The following FMN1 variants were observed in gnomAD, a reference collection of about 807,000 sequenced individuals.
FMN1 encodes formin 1.
A neutral mutation model predicts 132.4 loss-of-function variants in FMN1; 110 were observed. That is an observed-to-expected ratio of 0.83 (90% CI 0.71 to 0.97). FMN1 has a LOEUF of 0.97. Ranked by LOEUF, FMN1 falls within the 50% of genes least tolerant of loss-of-function variation. The pLI is 0.00. For synonymous variants in FMN1, 722 were observed against 651.7 expected (o/e 1.11, Z -1.64); for missense variants, 1,792 against 1,705.3 (o/e 1.05, Z -0.90).
chr15:33,080,267 T>C (rs922222585), intron 5 of FMN1, among the ~76,000 whole-genome samples: 4 of 152,218 alleles, frequency 2.6e-5, no homozygotes, highest in Admixed American at 2.6e-4. Flanking sequence ...CATTTACTGA[T>C]GTTGAATCTA....
At chr15:33,092,647 A>G (rs2038945011) in intron 4 of FMN1, among the ~76,000 whole-genome samples, 1 of 152,150 alleles carries the variant, frequency 6.6e-6, no homozygotes, top group Non-Finnish European at 1.5e-5. Context: ...CCCAGGCCCA[A>G]TCGAGTGAAC....
At chr15:33,074,295 A>G (rs964871327) in intron 5 of FMN1, among the ~76,000 whole-genome samples, 3 of 152,230 alleles carry the variant, frequency 2.0e-5, no homozygotes, top group Non-Finnish European at 4.4e-5. Context: ...ATAAAGCCAA[A>G]CAAAAGAAAA....
chr15:33,045,506 G>C (rs1395063353), intron 6 of FMN1, among the ~76,000 whole-genome samples: 1 of 152,192 alleles, frequency 6.6e-6, no homozygotes, highest in Non-Finnish European at 1.5e-5. Flanking sequence ...AGAGGGGCTG[G>C]GGATTGCAGT....
chr15:33,150,866 G>A (rs1304475875), intron 4 of FMN1: 7 of 990,414 alleles, frequency 7.1e-6, no homozygotes, highest in Admixed American at 5.8e-5. Context: ...TGGGAGTTGG[G>A]TTCAGATAAA....
chr15:32,855,209 G>A (rs2059103539), intron 17 of FMN1, among the ~76,000 whole-genome samples: 1 of 150,820 alleles, frequency 6.6e-6, no homozygotes, highest in Non-Finnish European at 1.5e-5. Flanking sequence ...TCTGATGCCT[G>A]GCCCCACCCT....
intron 4 of FMN1, among the ~76,000 whole-genome samples, chr15:33,095,764 C>T (rs986046282): frequency 2.6e-5 from 4 of 152,156 alleles, no homozygotes; most frequent in African/African-American, 4.8e-5. Context: ...TTTTATGTCA[C>T]ATTATTCCAA....
intron 17 of FMN1, among the ~76,000 whole-genome samples, chr15:32,836,281 G>C (rs937089394): frequency 6.6e-6 from 1 of 152,156 alleles, no homozygotes; most frequent in African/African-American, 2.4e-5. Flanking sequence ...TCTAAAAGGT[G>C]ATGCCTTCCC....
At chr15:33,023,635 T>G (rs1354108377) in intron 6 of FMN1, among the ~76,000 whole-genome samples, 1 of 152,068 alleles carries the variant, frequency 6.6e-6, no homozygotes, top group African/African-American at 2.4e-5. Flanking sequence ...TAAAAGATAC[T>G]GAATAATTAA....
At chr15:32,912,378 T>C (rs1033587171) in intron 10 of FMN1, among the ~76,000 whole-genome samples, 2 of 152,212 alleles carry the variant, frequency 1.3e-5, no homozygotes, top group African/African-American at 2.4e-5. Flanking sequence ...GATTCATTCA[T>C]TCCTCCATCC....
chr15:33,079,927 T>G (rs1232966474), intron 5 of FMN1, among the ~76,000 whole-genome samples: 1 of 152,320 alleles, frequency 6.6e-6, no homozygotes, highest in Admixed American at 6.5e-5. Flanking sequence ...TTTGAATTGT[T>G]CTTTTCATCT....
chr15:33,185,859 C>T (rs1417144852), intron 2 of FMN1, among the ~76,000 whole-genome samples: 19 of 151,954 alleles, frequency 1.3e-4, no homozygotes, highest in Non-Finnish European at 4.4e-5. Flanking sequence ...GGCATGAGCC[C>T]CTGTGCCTAG....
intron 14 of FMN1, 146 bp from the exon 15 acceptor site, chr15:32,899,039 C>A (rs893367905): frequency 1.2e-5 from 7 of 600,210 alleles, no homozygotes; most frequent in Non-Finnish European, 2.1e-5. Flanking sequence ...CCTTCCTCTG[C>A]TTTATCCCAT....
chr15:32,806,551 A>G (rs115839571), intron 17 of FMN1, among the ~76,000 whole-genome samples: 1,713 of 152,338 alleles, frequency 0.011, 40 homozygotes, highest in African/African-American at 0.04. Flanking sequence ...TTGTCTTGCC[A>G]TCAGCCTTGA....
At chr15:33,101,062 TAAATTTCATTTAGA>T (rs1024521196) in intron 4 of FMN1, among the ~76,000 whole-genome samples, 1 of 152,178 alleles carries the variant, frequency 6.6e-6, no homozygotes, top group Non-Finnish European at 1.5e-5. Flanking sequence ...ATGGACTTTC[TAAATTTCATTTAGA>T]AAATGAAGCA....
At chr15:32,852,361 CCTT>C (rs1305305590) in intron 17 of FMN1, among the ~76,000 whole-genome samples, 5 of 152,070 alleles carry the variant, frequency 3.3e-5, no homozygotes, top group African/African-American at 9.7e-5. Context: ...TATGTCTTTT[CCTT>C]CTTATTTTTA....
At chr15:32,786,015 G>C (rs555992757) in intron 19 of FMN1, among the ~76,000 whole-genome samples, 9 of 152,248 alleles carry the variant, frequency 5.9e-5, no homozygotes, top group South Asian at 4.1e-4. Context: ...AAATGGATAC[G>C]GTATGCTCTG....
chr15:32,835,913 T>C (rs766883503), intron 17 of FMN1, among the ~76,000 whole-genome samples: 1 of 152,134 alleles, frequency 6.6e-6, no homozygotes, highest in South Asian at 2.1e-4. Context: ...CAGGCCGGAG[T>C]GCAGTGGCAT....
intron 16 of FMN1, among the ~76,000 whole-genome samples, chr15:32,867,700 C>G (rs1343196319): frequency 6.6e-6 from 1 of 152,164 alleles, no homozygotes; most frequent in Non-Finnish European, 1.5e-5. Context: ...ACCATGTTAG[C>G]CGGGATGGTC....
chr15:33,098,080 G>A (rs1288757581), intron 4 of FMN1, among the ~76,000 whole-genome samples: 1 of 152,182 alleles, frequency 6.6e-6, no homozygotes, highest in Non-Finnish European at 1.5e-5. Flanking sequence ...ATTAAATTAG[G>A]TACTGATAAC....
Sources: allele counts gnomAD v4.1 joint callset (sites outside exome capture counted in the v4.1 genomes callset), GRCh38; gene constraint gnomAD v4.1.1; transcripts MANE v1.5; gene names NCBI Gene and HGNC (gene_info 2026-07-23, HGNC 2026-07-21).